Variants in CALN1 observed in about 807,000 individuals in gnomAD.
CALN1 encodes the protein calcium-binding protein 8.
In CALN1, 17 loss-of-function variants were observed where a neutral mutation model predicts 30.6. The observed-to-expected ratio is 0.56, with a 90% confidence interval of 0.38 to 0.83. The LOEUF is 0.83. CALN1 is among the 40% of genes least tolerant of loss of function. The pLI is 0.00. For missense variants in CALN1, 291 were observed against 354.9 expected (o/e 0.82, Z 1.45); for synonymous variants, 156 against 131.4 (o/e 1.19, Z -1.28).
At chr7:72,279,926 C>T (rs1049159418) in intron 2 of CALN1, among the ~76,000 whole-genome samples, 2 of 152,292 alleles carry the variant, frequency 1.3e-5, no homozygotes, top group East Asian at 1.9e-4. Flanking sequence ...GGGTAGAGAA[C>T]ATCTTTGTAT....
chr7:72,028,208 G>T (rs1489883223), intron 4 of CALN1, among the ~76,000 whole-genome samples: 2 of 152,036 alleles, frequency 1.3e-5, no homozygotes, highest in South Asian at 2.1e-4. Flanking sequence ...ATGCTTGCCA[G>T]CACCAGGAGA....
intron 5 of CALN1, among the ~76,000 whole-genome samples, chr7:71,921,220 G>A (rs1487087430): frequency 1.3e-5 from 2 of 152,166 alleles, no homozygotes; most frequent in South Asian, 2.1e-4. Flanking sequence ...GGGAGTGGGG[G>A]TCTAGGGAAG....
the CALN1 span, among the ~76,000 whole-genome samples, chr7:72,472,353 CTGCCA>C: frequency 1.3e-5 from 2 of 152,168 alleles, no homozygotes; most frequent in Non-Finnish European, 2.9e-5. Flanking sequence ...GGCACAATAT[CTGCCA>C]TGCCTGGGAT....
intron 5 of CALN1, among the ~76,000 whole-genome samples, chr7:71,909,247 C>T (rs117441671): frequency 0.017 from 2,519 of 152,200 alleles, 42 homozygotes; most frequent in Middle Eastern, 0.044. Context: ...TTCTGGCCTC[C>T]GGAAGTGCTG....
chr7:72,165,416 C>T lies in CALN1; in HGVS notation c.245-59122G>A, dbSNP rs557140405. On this transcript the variant is annotated intron_variant, in intron 3 of 6. Transcript: ENST00000395275. ...TCCTACTAAAAATACAATAAATTAG[C>T]CAGGCATGGTGGTGCATGCCTCTAA... Among the ~76,000 whole-genome samples, 13 of 152,012 alleles carry T rather than the reference C, an allele frequency of 8.6e-5. 1 individual carries two copies. In the Middle Eastern group the frequency reaches 0.01, roughly 119 times the overall value.
At chr7:72,024,378 T>G (rs1032427715) in intron 4 of CALN1, among the ~76,000 whole-genome samples, 20 of 152,198 alleles carry the variant, frequency 1.3e-4, no homozygotes, top group Admixed American at 3.9e-4. Flanking sequence ...AATCTCATCA[T>G]GCTTTCTATA....
intron 2 of CALN1, among the ~76,000 whole-genome samples, chr7:72,381,507 A>C (rs1042913304): frequency 6.6e-6 from 1 of 152,214 alleles, no homozygotes; most frequent in African/African-American, 2.4e-5. Context: ...ATGCAGCCAT[A>C]AAAAAGAATG....
chr7:72,106,400 T>A, intron 3 of CALN1, 106 bp from the exon 4 acceptor site: 2 of 1,368,412 alleles, frequency 1.5e-6, no homozygotes, highest in Non-Finnish European at 1.0e-6. Flanking sequence ...TTAAAAACAG[T>A]GATTTGTTAA....
chr7:72,418,317 G>A (rs1250046228), intron 1 of CALN1, among the ~76,000 whole-genome samples: 1 of 152,148 alleles, frequency 6.6e-6, no homozygotes, highest in East Asian at 1.9e-4. Flanking sequence ...TCATGACTGT[G>A]TAGTATTCCA....
At chr7:71,851,049 T>C (rs537002133) in intron 5 of CALN1, among the ~76,000 whole-genome samples, 13 of 151,906 alleles carry the variant, frequency 8.6e-5, no homozygotes, top group Non-Finnish European at 1.8e-4. Flanking sequence ...CTCCTTTCTA[T>C]AAAAATTAAA....
At chr7:71,802,046 T>C (rs1787343653) in intron 6 of CALN1, among the ~76,000 whole-genome samples, 1 of 152,050 alleles carries the variant, frequency 6.6e-6, no homozygotes, top group Admixed American at 6.6e-5. Flanking sequence ...ACCAACCTAA[T>C]AAATGACCAG....
chr7:71,947,662 C>T (rs1015680990), intron 5 of CALN1, among the ~76,000 whole-genome samples: 3 of 152,020 alleles, frequency 2.0e-5, no homozygotes, highest in African/African-American at 7.2e-5. Flanking sequence ...AAATTGCTGC[C>T]GGGCATGGAG....
chr7:72,039,464 C>T (rs988794428), intron 4 of CALN1, among the ~76,000 whole-genome samples: 2 of 152,226 alleles, frequency 1.3e-5, no homozygotes, highest in Non-Finnish European at 2.9e-5. Context: ...AATCAAAAGT[C>T]ATCCAGTAAC....
chr7:72,190,338 A>T (rs1013080051), intron 3 of CALN1, among the ~76,000 whole-genome samples: 4 of 152,172 alleles, frequency 2.6e-5, no homozygotes, highest in African/African-American at 9.7e-5. Flanking sequence ...GTGACAGAGC[A>T]AGACTCCGTC....
chr7:71,948,423 G>A (rs1445773647), intron 5 of CALN1, among the ~76,000 whole-genome samples: 2 of 152,066 alleles, frequency 1.3e-5, no homozygotes, highest in African/African-American at 4.8e-5. Context: ...ATGTGACACT[G>A]AGCTCCATTA....
intron 5 of CALN1, among the ~76,000 whole-genome samples, chr7:71,895,626 T>G (rs1793493057): frequency 6.6e-6 from 1 of 152,176 alleles, no homozygotes; most frequent in Admixed American, 6.5e-5. Flanking sequence ...ATTACATTCA[T>G]GCCAGGTGCC....
intron 4 of CALN1, among the ~76,000 whole-genome samples, chr7:72,054,482 T>TATATACAC (rs1563015674): frequency 2.4e-5 from 1 of 40,894 alleles, no homozygotes; most frequent in Non-Finnish European, 6.0e-5. Flanking sequence ...TATACATACA[T>TATATACAC]ATATATATAC....
At chr7:72,356,565 C>T (rs1033971948) in intron 2 of CALN1, among the ~76,000 whole-genome samples, 10 of 151,738 alleles carry the variant, frequency 6.6e-5, no homozygotes, top group East Asian at 5.8e-4. Flanking sequence ...CTAACAAGGA[C>T]GACTAAAATT....
intron 4 of CALN1, among the ~76,000 whole-genome samples, chr7:72,098,138 C>G (rs967660948): frequency 5.3e-5 from 8 of 152,146 alleles, no homozygotes; most frequent in African/African-American, 1.9e-4. Context: ...CTCAAGGAGC[C>G]TGGTGGAAAA....
Sources: gnomAD v4.1 joint callset for allele counts (sites outside exome capture counted in the v4.1 genomes callset) on GRCh38, gnomAD v4.1.1 for gene constraint, MANE v1.5 for transcripts, NCBI Gene and HGNC (gene_info 2026-07-23, HGNC 2026-07-21) for gene names.